ASCC3: variants seen among roughly 807,000 people sequenced by gnomAD.
ASCC3 encodes activating signal cointegrator 1 complex subunit 3, also known as ASC-1 complex subunit P200.
A neutral mutation model predicts 256.3 loss-of-function variants in ASCC3; 158 were observed. The ratio of observed to expected loss-of-function variants is 0.62; its 90% CI spans 0.54 to 0.70. The LOEUF is 0.70. ASCC3 is among the 30% of genes least tolerant of loss of function. ASCC3 has a pLI of 0.00. For synonymous variants in ASCC3, 948 were observed against 883.4 expected, an observed-to-expected ratio of 1.07 and a Z score of -1.30; for missense variants, 2,259 against 2,626.0, an observed-to-expected ratio of 0.86 and a Z score of 3.05.
intron 36 of ASCC3, among the ~76,000 whole-genome samples, chr6:100,580,048 C>T (rs576914950): frequency 5.3e-5 from 8 of 152,018 alleles, no homozygotes; most frequent in Middle Eastern, 6.8e-3. Context: ...TTATCTCTTT[C>T]GTCAGTTGTA....
chr6:100,669,747 CAGAAG>C (rs1562213445), intron 14 of ASCC3, among the ~76,000 whole-genome samples: 2 of 151,702 alleles, frequency 1.3e-5, no homozygotes, highest in East Asian at 3.9e-4. Context: ...ATCAATGACA[CAGAAG>C]AGAAATTTCA....
intron 10 of ASCC3, among the ~76,000 whole-genome samples, chr6:100,758,977 T>G (rs951609407): frequency 6.6e-6 from 1 of 152,222 alleles, no homozygotes; most frequent in East Asian, 1.9e-4. Flanking sequence ...TTGATTTGCA[T>G]TTCTCTAATG....
chr6:100,538,794 T>C (rs751760228), intron 37 of ASCC3, among the ~76,000 whole-genome samples: 1 of 152,128 alleles, frequency 6.6e-6, no homozygotes, highest in South Asian at 2.1e-4. Flanking sequence ...TTCTTGTACA[T>C]ATATAGACTA....
Position 100,647,396 on chromosome 6 carries a change from G to A in ASCC3, c.3308C>T (p.Pro1103Leu), listed in dbSNP as rs1775434183. ...ATTCAGGAGCCTGTAGGTCATGGTA[G>A]GCCAACGTTTCCTCAGAGCAATTTC... ...LFEIALRKRW[P>L]TMTYRLLNLS... The change falls in exon 21 of 42, where the codon CCT becomes CTT. Residue 1103 changes from proline (P) to leucine (L), a missense_variant. By Grantham distance (98) the Pro-to-Leu change is moderately conservative. Transcript: ENST00000369162. The A allele has an allele frequency of 6.2e-7, 1 of 1,613,876 alleles. No individual in the cohort carries two copies. The highest frequency in any genetic ancestry group is 1.3e-5 in the African/African-American group (1 of 74,894).
At chr6:100,848,071 A>C in intron 4 of ASCC3, 77 bp downstream of exon 4, 62 of 1,384,254 alleles carry the variant, frequency 4.5e-5, no homozygotes, top group Non-Finnish European at 5.7e-5. Flanking sequence ...TTCTTTGCTA[A>C]CCACCCATGT....
chr6:100,870,922 A>G (rs1773709809), intron 1 of ASCC3, among the ~76,000 whole-genome samples: 1 of 152,154 alleles, frequency 6.6e-6, no homozygotes, highest in Non-Finnish European at 1.5e-5. Context: ...TTCTTGAAAA[A>G]CAAACTGGCT....
intron 13 of ASCC3, among the ~76,000 whole-genome samples, chr6:100,688,401 A>G (rs1777685912): frequency 6.6e-6 from 1 of 152,212 alleles, no homozygotes; most frequent in Non-Finnish European, 1.5e-5. Flanking sequence ...AAAATCTAAG[A>G]TTTAAACATT....
intron 8 of ASCC3, among the ~76,000 whole-genome samples, chr6:100,780,104 AAC>A (rs1481044893): frequency 6.6e-6 from 1 of 152,160 alleles, no homozygotes; most frequent in Non-Finnish European, 1.5e-5. Context: ...AACACACAAA[AAC>A]ATGTGAAATT....
chr6:100,574,176 C>T (rs1340614458), intron 36 of ASCC3, among the ~76,000 whole-genome samples: 2 of 152,126 alleles, frequency 1.3e-5, no homozygotes, highest in African/African-American at 2.4e-5. Context: ...GTATTCCCCA[C>T]GTGCACTGAC....
chr6:100,870,348 A>C (rs1467903593), intron 1 of ASCC3, among the ~76,000 whole-genome samples: 2 of 143,826 alleles, frequency 1.4e-5, no homozygotes, highest in Non-Finnish European at 3.0e-5. Flanking sequence ...AGGGTGACAG[A>C]GTGAGAGTCC....
intron 1 of ASCC3, among the ~76,000 whole-genome samples, chr6:100,871,923 T>C (rs1773761603): frequency 6.6e-6 from 1 of 152,234 alleles, no homozygotes; most frequent in Non-Finnish European, 1.5e-5. Context: ...GTATGTACAC[T>C]GTACATGTCA....
chr6:100,662,395 C>A lies in ASCC3; in HGVS notation c.2428G>T (p.Ala810Ser). ...AGATTGACACCCCAGGCTAACGTAG[C>A]TGTACACACTAGGACTTTGATATGC... Reference protein sequence around the residue: ...NGHIKVLVCTATLAWGVNLPA... With the variant: ...NGHIKVLVCTSTLAWGVNLPA... The change falls in exon 15 of 42, where the codon GCT becomes TCT. Residue 810 changes from alanine (A) to serine (S), a missense_variant. Around this residue, in one of 2 missense-constraint regions of ASCC3, gnomAD observed 1,839 missense variants for 2,206.7 expected, o/e 0.83. Transcript: ENST00000369162. The A allele has an allele frequency of 6.2e-7, 1 of 1,613,232 alleles. No homozygotes were observed. Among genetic ancestry groups the A allele is most frequent in the Non-Finnish European group, 8.5e-7 (1 of 1,179,446 alleles).
At chr6:100,679,267 C>G (rs1278445515) in intron 14 of ASCC3, among the ~76,000 whole-genome samples, 1 of 147,544 alleles carries the variant, frequency 6.8e-6, no homozygotes, top group African/African-American at 2.5e-5. Context: ...CCTTAGAAAT[C>G]AAAACTGAGA....
chr6:100,516,409 T>C, intron 38 of ASCC3, 82 bp from the exon 39 acceptor site: 1 of 1,508,348 alleles, frequency 6.6e-7, no homozygotes, highest in East Asian at 2.3e-5. Context: ...TATATAATTA[T>C]AGCTTTTTTT....
Position 100,767,229 on chromosome 6 carries a change from T to C in ASCC3, c.1512A>G (p.Gly504=). ...NMLICAPTGA[G]KTNIAMLTVL... ...CTGTCAGCATTGCAATGTTGGTTTT[T>C]CCAGCTCCTGTAGGGGCACAAATCA... Residue 504 remains glycine, a synonymous_variant, in exon 9 of 42, where the codon GGA becomes GGG. Coordinates refer to ENST00000369162, the MANE Select transcript of ASCC3 (RefSeq NM_006828.4). 6.2e-7 allele frequency: 1 copy of C among 1,614,170 alleles called. No homozygotes were observed. Among genetic ancestry groups the C allele is most frequent in the Non-Finnish European group, 8.5e-7 (1 of 1,180,022 alleles).
chr6:100,733,136 T>C (rs1485862430), intron 10 of ASCC3, among the ~76,000 whole-genome samples: 1 of 152,160 alleles, frequency 6.6e-6, no homozygotes, highest in Non-Finnish European at 1.5e-5. Flanking sequence ...TGACACTATA[T>C]TGAGAAAGAA....
intron 10 of ASCC3, among the ~76,000 whole-genome samples, chr6:100,740,224 C>G (rs1206936743): frequency 6.6e-6 from 1 of 152,090 alleles, no homozygotes; most frequent in East Asian, 1.9e-4. Context: ...TGTTTAATTT[C>G]CATGTAGTTG....
intron 30 of ASCC3, among the ~76,000 whole-genome samples, chr6:100,621,795 T>C (rs1773964878): frequency 6.6e-6 from 1 of 152,208 alleles, no homozygotes; most frequent in Admixed American, 6.5e-5. Flanking sequence ...ACACGTATGT[T>C]CACTGTAGCA....
intron 3 of ASCC3, among the ~76,000 whole-genome samples, chr6:100,852,221 T>C (rs1291417037): frequency 6.6e-6 from 1 of 152,160 alleles, no homozygotes; most frequent in African/African-American, 2.4e-5. Flanking sequence ...CAGTCAGTTG[T>C]CTAATTAGCC....
Sources: allele counts gnomAD v4.1 joint callset (sites outside exome capture counted in the v4.1 genomes callset), GRCh38; gene constraint gnomAD v4.1.1; regional missense constraint gnomAD v4.1.1; transcripts MANE v1.5; gene names NCBI Gene and HGNC (gene_info 2026-07-23, HGNC 2026-07-21).